APBA3: variants seen among roughly 807,000 people sequenced by gnomAD.
APBA3 encodes amyloid beta precursor protein binding family A member 3, also known as amyloid-beta A4 precursor protein-binding family A member 3.
APBA3 carries 45 observed loss-of-function variants against 55.9 expected under a neutral mutation model. That is an observed-to-expected ratio of 0.80 (90% CI 0.63 to 1.03). The LOEUF is 1.03. Ranked by LOEUF, APBA3 falls within the 50% of genes least tolerant of loss-of-function variation. The pLI is 0.00. For missense variants in APBA3, 865 were observed against 820.3 expected (o/e 1.05, Z -0.67); for synonymous variants, 370 against 353.3 (o/e 1.05, Z -0.53).
At position 3,752,568 on chromosome 19, in the gene APBA3, G is replaced by C; in HGVS notation, c.1335C>G (p.Thr445=). 6.3e-7 allele frequency: 1 copy of C among 1,588,146 alleles called. No individual in the cohort carries two copies. Among genetic ancestry groups the C allele is most frequent in the Non-Finnish European group, 8.5e-7 (1 of 1,172,180 alleles). ...CCACCAGGCTGGTCCCGTTGATGGCGGTCAGGCGGTCCCCGATGCTGAGGG... is the reference window on the plus strand; with the variant it reads ...CCACCAGGCTGGTCCCGTTGATGGCCGTCAGGCGGTCCCCGATGCTGAGGG... The part of the protein sequence containing the change: ...SGALSIGDRL[T]AINGTSLVGL... The change falls in exon 8 of 11, where the codon ACC becomes ACG. Residue 445 remains threonine, a synonymous_variant. Coordinates refer to ENST00000316757, the MANE Select transcript of APBA3 (RefSeq NM_004886.4).
At chr19:3,758,895 T>G (rs148851036) in intron 3 of APBA3, among the ~76,000 whole-genome samples, 162 of 150,792 alleles carry the variant, frequency 1.1e-3, no homozygotes, top group Middle Eastern at 3.6e-3. Flanking sequence ...AGAAATAGTA[T>G]TCTTCTTTCA....
At chr19:3,753,986 C>T in intron 5 of APBA3, 33 bp downstream of exon 5, 1 of 1,591,058 alleles carries the variant, frequency 6.3e-7, no homozygotes, top group South Asian at 1.1e-5. Context: ...GATCACCCCA[C>T]CCGCATCCCT....
chr19:3,751,288 GCCC>G lies in APBA3; in HGVS notation c.1554_1556del (p.Gly519del). 6.5e-7 allele frequency: 1 copy of G among 1,541,810 alleles called. No homozygotes were observed. Among genetic ancestry groups the G allele is most frequent in the Non-Finnish European group, 8.7e-7 (1 of 1,146,842 alleles). On this transcript the variant is annotated inframe_deletion, in exon 10 of 11. Coordinates refer to ENST00000316757, the MANE Select transcript of APBA3 (RefSeq NM_004886.4). ...CAATGATGCGGTGGCCGACGCGGATGCCCCCACGCTCGGCGATGCCACCACGGA... is the reference window on the plus strand; with the variant it reads ...CAATGATGCGGTGGCCGACGCGGATGCCACGCTCGGCGATGCCACCACGGA...
rs146035497 is a variant in APBA3 at position 3,754,060 on chromosome 19, C to G, written c.808G>C (p.Val270Leu). The G allele has an allele frequency of 6.2e-7, 1 of 1,610,936 alleles. No individual in the cohort carries two copies. The highest frequency in any genetic ancestry group is 8.5e-7 in the Non-Finnish European group (1 of 1,178,712). ...TQPMTEVDLF[V>L]STKRIKVLTA... ...AAGACCTTGATCCTCTTGGTGGAGA[C>G]GAACAGGTCCACCTCCGTCATGGGC... The change falls in exon 5 of 11, where the codon GTC (valine) becomes CTC (leucine). Residue 270 changes from valine (V) to leucine (L), a missense_variant. Val to Leu is a conservative substitution (Grantham distance 32). Transcript: ENST00000316757.
chr19:3,752,390 A>G, intron 8 of APBA3, 118 bp downstream of exon 8: 2 of 990,918 alleles, frequency 2.0e-6, no homozygotes, highest in Middle Eastern at 6.5e-4. Flanking sequence ...GCAGGACTTA[A>G]AAGTTCGACT....
Position 3,760,214 on chromosome 19 carries a change from G to A in APBA3, c.51C>T (p.Asp17=), listed in dbSNP as rs563244407. The A allele has an allele frequency of 1.2e-6, 2 of 1,611,346 alleles. No homozygotes were observed. Among genetic ancestry groups the A allele is most frequent in the African/African-American group, 1.3e-5 (1 of 75,054 alleles). ...CAAGAATGTCCCTGGGCCCCTCCAA[G>A]TCCATGGCTGGAGGCCCCGAAGGGG... ...SRSPSGPPAM[D]LEGPRDILVP... Residue 17 remains aspartate, a synonymous_variant, in exon 2 of 11, where the codon GAC becomes GAT. Transcript: ENST00000316757.
At chr19:3,754,568 T>C in intron 3 of APBA3, 4 of 542,364 alleles carry the variant, frequency 7.4e-6, no homozygotes, top group Non-Finnish European at 1.3e-5. Context: ...GGGAAACCAG[T>C]GAGTCCAGGC....
chr19:3,758,047 G>A (rs2037099490), intron 3 of APBA3, among the ~76,000 whole-genome samples: 1 of 152,062 alleles, frequency 6.6e-6, no homozygotes, highest in African/African-American at 2.4e-5. Context: ...TGATTCTCCT[G>A]CCTCAGCCTC....
chr19:3,759,308 C>G (rs1466474090), intron 3 of APBA3, among the ~76,000 whole-genome samples: 1 of 152,202 alleles, frequency 6.6e-6, no homozygotes, highest in East Asian at 1.9e-4. Context: ...GGCCCGACGA[C>G]GATGATTTGC....
rs1568390921 is a variant in APBA3, at chr19:3,751,025, G to GTT, written c.1728_*1insAA. 2 of 1,557,972 alleles carry GTT rather than the reference G, an allele frequency of 1.3e-6. No homozygotes were observed. The highest frequency in any genetic ancestry group is 2.7e-5 in the African/African-American group (2 of 73,448). On this transcript the variant is annotated 3_prime_UTR_variant, in exon 11 of 11. Transcript: ENST00000316757. ...ACAGTGGCAGGCAAGGGATGAGGTGGTCACAGGTACACGGGCTGCTCCTGG... is the reference window on the plus strand; with the variant it reads ...ACAGTGGCAGGCAAGGGATGAGGTGGTTTCACAGGTACACGGGCTGCTCCTGG...
chr19:3,758,232 C>T (rs1484875129), intron 3 of APBA3, among the ~76,000 whole-genome samples: 2 of 152,036 alleles, frequency 1.3e-5, no homozygotes, highest in African/African-American at 2.4e-5. Flanking sequence ...CCGCGCCCAG[C>T]TTATGCACAC....
intron 8 of APBA3, 81 bp from the exon 9 acceptor site, chr19:3,751,634 C>T: frequency 1.4e-6 from 2 of 1,460,168 alleles, no homozygotes; most frequent in Non-Finnish European, 1.8e-6. Context: ...TCAGTTTACC[C>T]TCTCATAAAC....
At chr19:3,754,374 G>A (rs775198425) in intron 3 of APBA3, 34 bp from the exon 4 acceptor site, 69 of 1,535,850 alleles carry the variant, frequency 4.5e-5, no homozygotes, top group Non-Finnish European at 5.8e-5. Flanking sequence ...CGGCCCCCAG[G>A]GGCCCACTCC....
At chr19:3,753,461 A>G in intron 6 of APBA3, 1 of 384,424 alleles carries the variant, frequency 2.6e-6, no homozygotes, top group Non-Finnish European at 4.7e-6. Flanking sequence ...TCACCTGGGC[A>G]ACAGAGCGAG....
At chr19:3,760,497 C>T (rs1245519190) in intron 1 of APBA3, among the ~76,000 whole-genome samples, 196 bp from the exon 2 acceptor site, 13 of 150,612 alleles carry the variant, frequency 8.6e-5, no homozygotes, top group Non-Finnish European at 1.9e-4. Flanking sequence ...GCCTGTAATT[C>T]CCAGCACTTT....
chr19:3,755,720 CAGG>C (rs1221883566), intron 3 of APBA3: 1 of 151,758 alleles, frequency 6.6e-6, no homozygotes, highest in East Asian at 1.9e-4. Context: ...CACTTGAACC[CAGG>C]AGGTGGAGGT....
At position 3,752,722 on chromosome 19, in the gene APBA3, T is replaced by G. The variant is rs764747099; in HGVS notation, c.1183-2A>C. 21 of 1,602,686 alleles carry G rather than the reference T, an allele frequency of 1.3e-5. No homozygotes were observed. In the South Asian group the frequency reaches 2.2e-4, roughly 17 times the overall value. On this transcript the variant is annotated splice_acceptor_variant, in intron 7 of 10. Transcript: ENST00000316757. LOFTEE classifies it high-confidence loss of function. The stretch of plus-strand genomic sequence containing the variant: ...CCCTCGCCGCTTCTCGAGGTGCACC[T>G]GGGACACACAGGGGGCGCGGAGGCT...
At chr19:3,752,780 T>C (rs1248332014) in intron 7 of APBA3, 40 bp downstream of exon 7, 3 of 1,609,642 alleles carry the variant, frequency 1.9e-6, no homozygotes, top group South Asian at 2.2e-5. Context: ...TGCACGGGTG[T>C]GGGGGGCACC....
rs371745996 is a variant in APBA3 at position 3,754,162 on chromosome 19, C to T, written c.762+33G>A. The T allele has an allele frequency of 3.8e-5, 59 of 1,546,070 alleles. 1 individual carries two copies. Among genetic ancestry groups the T allele is most frequent in the South Asian group, 1.9e-4 (16 of 84,236 alleles). ...CCACAGACCCAGCCTGCAGCCCACC[C>T]GCCTGCCCGCCCGGCCCCGGCCGCC... On this transcript the variant is annotated intron_variant, in intron 4 of 10. Transcript: ENST00000316757.
Sources: allele counts gnomAD v4.1 joint callset (sites outside exome capture counted in the v4.1 genomes callset), GRCh38; gene constraint gnomAD v4.1.1; transcripts MANE v1.5; gene names NCBI Gene and HGNC (gene_info 2026-07-23, HGNC 2026-07-21).